FRMD6: variants seen among roughly 807,000 people sequenced by gnomAD.
The protein encoded by FRMD6 is FERM domain-containing protein 6.
Under a neutral mutation model 73.2 loss-of-function variants are expected in FRMD6, and 37 were observed. The observed-to-expected ratio is 0.51, with a 90% CI of 0.39 to 0.66. FRMD6 has a LOEUF of 0.66. Among genes scored for constraint, FRMD6 ranks in the 30% least tolerant of loss-of-function variants. The pLI, the probability that FRMD6 is intolerant of heterozygous loss-of-function variation, is 0.00. For missense variants in FRMD6, 714 were observed against 780.5 expected, an observed-to-expected ratio of 0.91 and a Z score of 1.02; for synonymous variants, 273 against 282.2, an observed-to-expected ratio of 0.97 and a Z score of 0.33.
At position 51,704,874 on chromosome 14, in the gene FRMD6, A is replaced by G; in HGVS notation, c.497A>G (p.Asn166Ser). The G allele has an allele frequency of 1.9e-6, 3 of 1,613,368 alleles. No individual in the cohort carries two copies. Among genetic ancestry groups the G allele is most frequent in the Non-Finnish European group, 2.5e-6 (3 of 1,179,584 alleles). The change falls in exon 6 of 14, where the codon AAC becomes AGC. Residue 166 changes from asparagine (N) to serine (S), a missense_variant. Coordinates refer to ENST00000344768, the MANE Select transcript of FRMD6 (RefSeq NM_001267046.2). ...AAFALQADLGNFKRNKHYGKY... is the reference protein window; with the variant it reads ...AAFALQADLGSFKRNKHYGKY... ...TTTGCCCTGCAGGCTGATCTTGGGA[A>G]CTTCAAAAGGAATAAGCACTATGGA...
chr14:51,689,253 T>C (rs554365750), intron 1 of FRMD6, among the ~76,000 whole-genome samples: 1 of 152,280 alleles, frequency 6.6e-6, no homozygotes, highest in African/African-American at 2.4e-5. Flanking sequence ...ACCACAGTGG[T>C]TGAAGAATGA....
the FRMD6 span, among the ~76,000 whole-genome samples, chr14:51,447,450 G>C: frequency 6.6e-6 from 1 of 152,084 alleles, no homozygotes; most frequent in African/African-American, 2.4e-5. Flanking sequence ...CGTACTTATG[G>C]GATGCAGTTA....
chr14:51,436,946 GA>G, the FRMD6 span: 1 of 1,003,500 alleles, frequency 1.0e-6, no homozygotes, highest in Non-Finnish European at 1.5e-6. Flanking sequence ...AGAGGAGGAT[GA>G]AGGAGAAGAT....
intron 1 of FRMD6, among the ~76,000 whole-genome samples, chr14:51,675,487 A>G (rs1047802893): frequency 3.3e-5 from 5 of 152,182 alleles, no homozygotes; most frequent in African/African-American, 1.2e-4. Flanking sequence ...TTGTGAAACT[A>G]TAATAAAGCC....
intron 2 of FRMD6, among the ~76,000 whole-genome samples, chr14:51,603,385 A>C (rs1408823728): frequency 6.6e-6 from 1 of 152,226 alleles, no homozygotes; most frequent in East Asian, 1.9e-4. Context: ...TATCATCAAA[A>C]AGCCATACCA....
the FRMD6 span, among the ~76,000 whole-genome samples, chr14:51,474,491 CGGA>C: frequency 6.6e-6 from 1 of 151,972 alleles, no homozygotes; most frequent in Non-Finnish European, 1.5e-5. Context: ...CTGGTGGGGC[CGGA>C]GGAGTTTTCA....
intron 2 of FRMD6, among the ~76,000 whole-genome samples, chr14:51,695,084 A>G (rs1213587048): frequency 6.7e-6 from 1 of 149,492 alleles, no homozygotes; most frequent in Non-Finnish European, 1.5e-5. Flanking sequence ...ACACGAGCCT[A>G]AAACAGTTTA....
chr14:51,650,618 A>C (rs573051451), upstream of FRMD6: 11 of 150,374 alleles, frequency 7.3e-5, no homozygotes, highest in Non-Finnish European at 1.6e-4. Context: ...GATGGTCTCG[A>C]TCTCCTGACC....
At chr14:51,415,387 G>A in the FRMD6 span, among the ~76,000 whole-genome samples, 1 of 152,114 alleles carries the variant, frequency 6.6e-6, no homozygotes, top group South Asian at 2.1e-4. Flanking sequence ...TTTGTCAAAG[G>A]CCTTTTCTGC....
intron 2 of FRMD6, among the ~76,000 whole-genome samples, chr14:51,693,812 A>G (rs1471914492): frequency 1.3e-5 from 2 of 152,194 alleles, no homozygotes; most frequent in Non-Finnish European, 2.9e-5. Context: ...TAGACTCACT[A>G]TGCCCAAACT....
intron 2 of FRMD6, among the ~76,000 whole-genome samples, chr14:51,584,717 A>G (rs1220799256): frequency 2.0e-5 from 3 of 151,808 alleles, no homozygotes; most frequent in Non-Finnish European, 4.4e-5. Flanking sequence ...ATTAGGCTCC[A>G]TCCTGGCCTT....
chr14:51,457,865 A>G, the FRMD6 span, among the ~76,000 whole-genome samples: 1 of 152,212 alleles, frequency 6.6e-6, no homozygotes, highest in African/African-American at 2.4e-5. Flanking sequence ...TATTGCATGA[A>G]TGCCTTAACA....
the FRMD6 span, chr14:51,454,475 A>G: frequency 6.6e-6 from 1 of 152,360 alleles, no homozygotes; most frequent in East Asian, 1.9e-4. Flanking sequence ...ATTCCAGGAC[A>G]GGAAAAATTT....
intron 2 of FRMD6, 42 bp from the exon 3 acceptor site, chr14:51,698,100 T>C (rs1296348613): frequency 7.0e-7 from 1 of 1,430,818 alleles, no homozygotes; most frequent in South Asian, 1.2e-5. Context: ...TGGGTGGACT[T>C]AGTTGAATTG....
At chr14:51,464,515 CTCTCCAGTTATT>C in the FRMD6 span, among the ~76,000 whole-genome samples, 1 of 152,306 alleles carries the variant, frequency 6.6e-6, no homozygotes, top group Admixed American at 6.5e-5. Context: ...TGCAGGAGAA[CTCTCCAGTTATT>C]TCTCCAGGTA....
At chr14:51,555,971 G>A (rs1457046946) in intron 1 of FRMD6, among the ~76,000 whole-genome samples, 3 of 152,144 alleles carry the variant, frequency 2.0e-5, no homozygotes, top group African/African-American at 7.2e-5. Context: ...ATATGCAGAG[G>A]CACTTTATAA....
intron 4 of FRMD6, among the ~76,000 whole-genome samples, chr14:51,701,867 G>C (rs1258222998): frequency 4.0e-5 from 6 of 151,838 alleles, no homozygotes; most frequent in South Asian, 4.2e-4. Context: ...TACTGTACTT[G>C]CATTTGATGC....
chr14:51,488,490 A>G (rs1212143712), upstream of FRMD6, among the ~76,000 whole-genome samples: 1 of 152,212 alleles, frequency 6.6e-6, no homozygotes, highest in African/African-American at 2.4e-5. Context: ...AGCAAGACTT[A>G]ACAACTTCTG....
chr14:51,559,866 A>G (rs1412145523), intron 1 of FRMD6, among the ~76,000 whole-genome samples: 2 of 152,248 alleles, frequency 1.3e-5, no homozygotes, highest in Non-Finnish European at 2.9e-5. Flanking sequence ...GAAGTTTTTC[A>G]GAAGTGAGTA....
Sources: allele counts gnomAD v4.1 joint callset (sites outside exome capture counted in the v4.1 genomes callset), GRCh38; gene constraint gnomAD v4.1.1; transcripts MANE v1.5; gene names NCBI Gene and HGNC (gene_info 2026-07-23, HGNC 2026-07-21).